Variants in DIAPH2 observed in about 807,000 individuals in gnomAD.
The protein encoded by DIAPH2 is protein diaphanous homolog 2.
A neutral mutation model predicts 92.7 loss-of-function variants in DIAPH2; 35 were observed. The observed-to-expected ratio is 0.38, with a 90% CI of 0.29 to 0.50. The LOEUF (loss-of-function observed/expected upper bound fraction) is 0.50. Ranked by LOEUF, DIAPH2 falls within the 20% of genes least tolerant of loss-of-function variation. DIAPH2 has a pLI of 0.94. For missense variants in DIAPH2, 701 were observed against 819.5 expected, an observed-to-expected ratio of 0.86 and a Z score of 1.77; for synonymous variants, 301 against 280.4, an observed-to-expected ratio of 1.07 and a Z score of -0.73.
intron 18 of DIAPH2, among the ~76,000 whole-genome samples, chrX:97,074,356 A>G (rs1016321947): frequency 4.5e-5 from 5 of 111,797 alleles, no homozygotes; most frequent in African/African-American, 1.6e-4. Flanking sequence ...CAGTGAGCCG[A>G]GATCGCACCA....
chrX:97,156,223 A>G (rs749228780), intron 22 of DIAPH2, among the ~76,000 whole-genome samples: 8 of 112,308 alleles, frequency 7.1e-5, no homozygotes, highest in African/African-American at 2.6e-4. Flanking sequence ...ATCGGCATGT[A>G]GATAACCAAC....
At chrX:97,141,824 T>A in intron 22 of DIAPH2, 30 bp downstream of exon 22, 1 of 1,175,861 alleles carries the variant, frequency 8.5e-7, no homozygotes, top group Non-Finnish European at 1.1e-6. Flanking sequence ...TTTGAGATTA[T>A]CTCTTGCCTA....
intron 1 of DIAPH2, among the ~76,000 whole-genome samples, chrX:96,735,445 A>T (rs1220753621): frequency 9.0e-6 from 1 of 111,134 alleles, no homozygotes; most frequent in Non-Finnish European, 1.9e-5. Context: ...ATAGCATGCC[A>T]GGGCTTATGA....
intron 25 of DIAPH2, among the ~76,000 whole-genome samples, chrX:97,400,688 C>CA (rs57768701): frequency 0.39 from 42,809 of 109,638 alleles, 6,078 homozygotes; most frequent in East Asian, 0.57. Context: ...TCTCTTCCCC[C>CA]AGCTGTTGGC....
At chrX:97,315,256 T>C (rs1019764735) in intron 23 of DIAPH2, among the ~76,000 whole-genome samples, 1 of 111,767 alleles carries the variant, frequency 8.9e-6, no homozygotes, top group Non-Finnish European at 1.9e-5. Flanking sequence ...GTAACGATCA[T>C]GGTGCCTGTA....
intron 26 of DIAPH2, among the ~76,000 whole-genome samples, chrX:97,505,283 A>G (rs1240403736): frequency 8.9e-6 from 1 of 111,879 alleles, no homozygotes; most frequent in Non-Finnish European, 1.9e-5. Context: ...GCTGCTGACA[A>G]TGGTTACTTT....
intron 26 of DIAPH2, among the ~76,000 whole-genome samples, chrX:97,506,451 C>CT (rs34941076): frequency 0.014 from 802 of 55,441 alleles, 22 homozygotes; most frequent in African/African-American, 0.044. Context: ...ATGCCCAGCC[C>CT]TTTTTTTTTT....
chrX:96,823,054 A>G (rs1309162984), intron 4 of DIAPH2, among the ~76,000 whole-genome samples: 2 of 111,954 alleles, frequency 1.8e-5, no homozygotes, highest in Admixed American at 1.9e-4. Context: ...TATTAAAAGA[A>G]TACTGCAGTT....
intron 4 of DIAPH2, among the ~76,000 whole-genome samples, chrX:96,762,359 A>G (rs896081647): frequency 9.0e-6 from 1 of 111,569 alleles, no homozygotes; most frequent in African/African-American, 3.2e-5. Flanking sequence ...CCTTCTGAAC[A>G]TGTGCATGTT....
chrX:97,109,646 G>C (rs1453618115), intron 20 of DIAPH2, among the ~76,000 whole-genome samples: 1 of 110,821 alleles, frequency 9.0e-6, no homozygotes, highest in African/African-American at 3.3e-5. Flanking sequence ...GGTATTGTTG[G>C]GGTGACCTAC....
intron 25 of DIAPH2, among the ~76,000 whole-genome samples, chrX:97,413,889 C>T (rs753466793): frequency 2.7e-5 from 3 of 111,226 alleles, no homozygotes; most frequent in East Asian, 5.6e-4. Context: ...CACCACTCAA[C>T]GAAATAGAAG....
intron 22 of DIAPH2, among the ~76,000 whole-genome samples, chrX:97,144,386 T>G (rs1320999160): frequency 1.8e-5 from 2 of 110,968 alleles, no homozygotes; most frequent in East Asian, 5.6e-4. Context: ...AGATTGACTG[T>G]GGGTAGGAAT....
At chrX:96,721,345 C>A (rs1203834719) in intron 1 of DIAPH2, among the ~76,000 whole-genome samples, 1 of 111,830 alleles carries the variant, frequency 8.9e-6, no homozygotes, top group Non-Finnish European at 1.9e-5. Flanking sequence ...ATGTCATTGT[C>A]CTTCTATAGT....
Position 96,947,338 on chromosome X carries a change from G to C in DIAPH2, c.1510-1597G>C, listed in dbSNP as rs149516989. On this transcript the variant is annotated intron_variant, in intron 14 of 26. Coordinates refer to ENST00000324765, the MANE Select transcript of DIAPH2 (RefSeq NM_006729.5). ...AGGAGAAGCTAACTTTAGGAGTGGG[G>C]ATGGGAGTACAGATTGAGATAAATC... is the stretch of plus-strand genomic sequence containing the variant. Among the ~76,000 whole-genome samples the C allele has an allele frequency of 9.0e-5, 10 of 111,421 alleles. No individual in the cohort carries two copies. The East Asian group carries it at 2.8e-3, about 32-fold the overall frequency.
At chrX:97,232,380 G>A (rs1243345140) in intron 22 of DIAPH2, among the ~76,000 whole-genome samples, 2 of 111,356 alleles carry the variant, frequency 1.8e-5, no homozygotes, top group Non-Finnish European at 3.8e-5. Flanking sequence ...GATTACAGGC[G>A]TGTGCCGTCA....
At chrX:97,119,832 C>T (rs958516536) in intron 21 of DIAPH2, among the ~76,000 whole-genome samples, 2 of 111,334 alleles carry the variant, frequency 1.8e-5, no homozygotes, top group Admixed American at 9.5e-5. Flanking sequence ...GGGGGAAAGC[C>T]GGCAGTCACA....
chrX:97,427,657 G>GTTTTGT (rs60989289), intron 25 of DIAPH2, among the ~76,000 whole-genome samples: 3,317 of 97,411 alleles, frequency 0.034, 73 homozygotes, highest in Non-Finnish European at 0.038. Context: ...TGTTTTGTTT[G>GTTTTGT]TTTTGTTTTT....
At chrX:97,130,505 A>G (rs1336958058) in intron 21 of DIAPH2, among the ~76,000 whole-genome samples, 1 of 112,099 alleles carries the variant, frequency 8.9e-6, no homozygotes, top group African/African-American at 3.2e-5. Flanking sequence ...AAGCCATATG[A>G]AGAAGGACAA....
chrX:97,263,904 AT>A (rs1321513641), intron 23 of DIAPH2, among the ~76,000 whole-genome samples: 1 of 99,039 alleles, frequency 1.0e-5, no homozygotes, highest in African/African-American at 3.7e-5. Flanking sequence ...TTAGTTTTTT[AT>A]TTATTTATTT....
Sources: gnomAD v4.1 joint callset for allele counts (sites outside exome capture counted in the v4.1 genomes callset) on GRCh38, gnomAD v4.1.1 for gene constraint, MANE v1.5 for transcripts, NCBI Gene and HGNC (gene_info 2026-07-23, HGNC 2026-07-21) for gene names.